NDE1: variants seen among roughly 807,000 people sequenced by gnomAD.
The protein encoded by NDE1 is nuclear distribution protein nudE homolog 1.
In NDE1, 28 loss-of-function variants were observed where a neutral mutation model predicts 43.4. The ratio of observed to expected loss-of-function variants is 0.65; its 90% CI spans 0.48 to 0.89. The LOEUF (loss-of-function observed/expected upper bound fraction) is 0.89, where lower values mean the gene tolerates loss of function less well. Ranked by LOEUF, NDE1 falls within the 40% of genes least tolerant of loss-of-function variation. The pLI, the probability that NDE1 is intolerant of heterozygous loss-of-function variation, is 0.00. For missense variants in NDE1, 441 were observed against 434.1 expected, an observed-to-expected ratio of 1.02 and a Z score of -0.14; for synonymous variants, 184 against 172.0, an observed-to-expected ratio of 1.07 and a Z score of -0.55.
chr16:15,691,049 C>A, intron 5 of NDE1, 95 bp from the exon 6 acceptor site: 3 of 1,482,402 alleles, frequency 2.0e-6, no homozygotes, highest in Admixed American at 3.5e-5. Context: ...CTCAGGCGAT[C>A]CACCTGCCTT....
upstream of NDE1, chr16:15,649,353 G>A (rs1436637918): frequency 6.6e-6 from 1 of 152,184 alleles, no homozygotes; most frequent in Admixed American, 6.5e-5. Flanking sequence ...TTAAGACGGA[G>A]TCTTGCCCTG....
intron 3 of NDE1, among the ~76,000 whole-genome samples, chr16:15,669,314 C>A (rs1382657284): frequency 6.6e-6 from 1 of 151,882 alleles, no homozygotes; most frequent in Admixed American, 6.6e-5. Flanking sequence ...CCGCCTCAGC[C>A]TCTTGAGTAG....
rs148118152 is a variant in NDE1, at chr16:15,667,357, C to T, written c.155C>T (p.Thr52Met). The change falls in exon 3 of 9, where the codon ACG becomes ATG. Residue 52 changes from threonine (T) to methionine (M), a missense_variant. Physicochemically the swap from Thr to Met is moderately conservative, Grantham distance 81 (BLOSUM62 -1). Coordinates refer to ENST00000396354, the MANE Select transcript of NDE1 (RefSeq NM_017668.3). ...GSREYEAELETQLQQIETRNR... is the reference protein window; with the variant it reads ...GSREYEAELEMQLQQIETRNR... ...CGAGAATATGAAGCTGAATTGGAGA[C>T]GCAGCTGCAACAAATTGAAACCAGG... 143 of 1,614,000 alleles carry T rather than the reference C, an allele frequency of 8.9e-5. 1 individual carries two copies. The East Asian group carries it at 1.7e-3, about 20-fold the overall frequency.
chr16:15,720,257 G>A lies in NDE1; in HGVS notation c.948-3934G>A, dbSNP rs1268694978. 2 of 1,614,130 alleles carry A rather than the reference G, an allele frequency of 1.2e-6. No individual in the cohort carries two copies. The highest frequency in any genetic ancestry group is 1.7e-6 in the Non-Finnish European group (2 of 1,180,030). On this transcript the variant is annotated intron_variant, in intron 8 of 8. Transcript: ENST00000396354. ...CCCTTCCAGCTTCTTCTTTGCTGCAGCTGCCAGGGCACGTTGCTTTCGCTC... is the reference window on the plus strand; with the variant it reads ...CCCTTCCAGCTTCTTCTTTGCTGCAACTGCCAGGGCACGTTGCTTTCGCTC...
At chr16:15,676,791 G>C (rs1013738266) in intron 3 of NDE1, among the ~76,000 whole-genome samples, 14 of 152,246 alleles carry the variant, frequency 9.2e-5, no homozygotes, top group African/African-American at 2.9e-4. Flanking sequence ...AGCCTCGCGA[G>C]TAGCTAGGAC....
intron 8 of NDE1, chr16:15,718,486 A>G: frequency 6.5e-7 from 1 of 1,536,526 alleles, no homozygotes; most frequent in South Asian, 1.2e-5. Flanking sequence ...CCCCCGCCTT[A>G]AAAGATGCCC....
chr16:15,717,455 T>C, intron 8 of NDE1: 1 of 1,160,652 alleles, frequency 8.6e-7, no homozygotes, highest in South Asian at 1.3e-5. Flanking sequence ...AGTCCCTTGA[T>C]CCCGGGCACC....
intron 4 of NDE1, among the ~76,000 whole-genome samples, chr16:15,682,230 C>T (rs28473353): frequency 0.1 from 15,234 of 152,154 alleles, 1,642 homozygotes; most frequent in African/African-American, 0.27. Flanking sequence ...CTCTCTCTGT[C>T]GCCCCTGCTG....
Position 15,720,149 on chromosome 16 carries a change from A to G in NDE1, c.948-4042A>G, listed in dbSNP as rs111622724. 3.7e-6 allele frequency: 6 copies of G among 1,613,854 alleles called. No homozygotes were observed. In the South Asian group the frequency reaches 6.6e-5, roughly 18 times the overall value. ...ATGCCCCAAGCTCCTAGTGTCACCC[A>G]CCTGCAGTTTGCGTAGCTGCTTGAT... On this transcript the variant is annotated intron_variant, in intron 8 of 8. Transcript: ENST00000396354.
intron 4 of NDE1, among the ~76,000 whole-genome samples, chr16:15,679,886 C>T (rs1025515420): frequency 6.6e-6 from 1 of 152,174 alleles, no homozygotes; most frequent in East Asian, 1.9e-4. Context: ...TCAAGTGATT[C>T]TCCTGCCTCA....
At position 15,677,933 on chromosome 16, in the gene NDE1, C is replaced by T. The variant is rs1473741153; in HGVS notation, c.370C>T (p.Leu124=). Residue 124 remains leucine, a synonymous_variant, in exon 4 of 9, where the codon CTG becomes TTG. Transcript: ENST00000396354. ...IRELEQANDD[L]ERAKRATIMS... ...AGAGCTGGAGCAAGCAAATGACGAC[C>T]TGGAAAGAGCCAAGCGGTATGGGTG... 1 of 1,614,026 alleles carries T rather than the reference C, an allele frequency of 6.2e-7. No individual in the cohort carries two copies. Among genetic ancestry groups the T allele is most frequent in the Non-Finnish European group, 8.5e-7 (1 of 1,180,008 alleles).
intron 1 of NDE1, among the ~76,000 whole-genome samples, chr16:15,657,550 A>G (rs994561364): frequency 1.2e-4 from 18 of 152,096 alleles, no homozygotes; most frequent in African/African-American, 3.4e-4. Context: ...GCCTAGGTTT[A>G]TGCTGCTCCT....
intron 1 of NDE1, among the ~76,000 whole-genome samples, chr16:15,655,022 A>G (rs1278039900): frequency 6.6e-6 from 1 of 151,576 alleles, no homozygotes; most frequent in Non-Finnish European, 1.5e-5. Context: ...CATGTTGTTT[A>G]TTTATTTATT....
chr16:15,659,311 A>G (rs1288070786), intron 1 of NDE1, among the ~76,000 whole-genome samples: 1 of 150,818 alleles, frequency 6.6e-6, no homozygotes, highest in African/African-American at 2.4e-5. Context: ...CCAAAACTAT[A>G]TAGCTTGTTG....
At chr16:15,681,755 C>G (rs942221495) in intron 4 of NDE1, among the ~76,000 whole-genome samples, 16 of 152,142 alleles carry the variant, frequency 1.1e-4, no homozygotes, top group Non-Finnish European at 2.2e-4. Context: ...CCCTATGGCC[C>G]AGGCTGGAGT....
intron 3 of NDE1, among the ~76,000 whole-genome samples, chr16:15,674,964 G>A (rs1452144901): frequency 1.3e-5 from 2 of 152,124 alleles, no homozygotes; most frequent in African/African-American, 2.4e-5. Context: ...GCAGGCTTGC[G>A]TTGCCCCTGT....
At chr16:15,672,779 A>T (rs2037663020) in intron 3 of NDE1, 1 of 152,166 alleles carries the variant, frequency 6.6e-6, no homozygotes, top group African/African-American at 2.4e-5. Context: ...TAGGTTAATG[A>T]CTTAAGATCC....
rs373371913 is a variant in NDE1, at chr16:15,724,882, A to G, written c.*631A>G. 20 of 1,613,764 alleles carry G rather than the reference A, an allele frequency of 1.2e-5. No homozygotes were observed. The highest frequency in any genetic ancestry group is 1.0e-4 in the Admixed American group (6 of 59,980). ...GGTCCCCTGGATGATGTGGCAGGAC[A>G]CTCACCTGGGTGTCCTGGAGCTGGG... On this transcript the variant is annotated 3_prime_UTR_variant, in exon 9 of 9. Coordinates refer to ENST00000396354, the MANE Select transcript of NDE1 (RefSeq NM_017668.3).
chr16:15,707,132 A>G (rs1291267787), intron 8 of NDE1, among the ~76,000 whole-genome samples: 2 of 152,092 alleles, frequency 1.3e-5, no homozygotes, highest in African/African-American at 4.8e-5. Flanking sequence ...TCTGCCTCCC[A>G]GGTTCAAGCG....
Sources: allele counts gnomAD v4.1 joint callset (sites outside exome capture counted in the v4.1 genomes callset), GRCh38; gene constraint gnomAD v4.1.1; transcripts MANE v1.5; gene names NCBI Gene and HGNC (gene_info 2026-07-23, HGNC 2026-07-21).